Variants in COMMD6 observed in about 807,000 individuals in gnomAD.
COMMD6 encodes COMM domain containing 6, also known as COMM domain-containing protein 6.
A neutral mutation model predicts 13.4 loss-of-function variants in COMMD6; 11 were observed. That is an observed-to-expected ratio of 0.82 (90% CI 0.52 to 1.36). The LOEUF (loss-of-function observed/expected upper bound fraction) is 1.36, where lower values mean the gene tolerates loss of function less well. Ranked by LOEUF, COMMD6 falls within the 40% of genes most tolerant of loss-of-function variation. The pLI, the probability that COMMD6 is intolerant of heterozygous loss-of-function variation, is 0.00. For missense variants in COMMD6, 124 were observed against 102.4 expected (o/e 1.21, Z -0.91); for synonymous variants, 43 against 36.5 (o/e 1.18, Z -0.64).
chr13:75,540,100 A>G (rs2030800618), upstream of COMMD6, among the ~76,000 whole-genome samples: 1 of 151,448 alleles, frequency 6.6e-6, no homozygotes, highest in Non-Finnish European at 1.5e-5. Context: ...CCTCCCAAGT[A>G]GCTGGGATTA....
chr13:75,536,253 C>T (rs937447708), intron 2 of COMMD6, among the ~76,000 whole-genome samples: 1 of 152,214 alleles, frequency 6.6e-6, no homozygotes, highest in African/African-American at 2.4e-5. Flanking sequence ...GAACGTTCAA[C>T]AATGGAATCA....
intron 2 of COMMD6, among the ~76,000 whole-genome samples, chr13:75,536,347 T>C (rs2030662774): frequency 6.6e-6 from 1 of 152,250 alleles, no homozygotes; most frequent in Non-Finnish European, 1.5e-5. Flanking sequence ...AATCTGTGAA[T>C]GACTGCATAG....
chr13:75,538,887 G>C (rs2030771553), upstream of COMMD6: 1 of 152,240 alleles, frequency 6.6e-6, no homozygotes, highest in East Asian at 1.9e-4. Flanking sequence ...CCGGGGTGGT[G>C]GGGTTTGGGT....
chr13:75,529,954 A>C (rs2030410837), intron 3 of COMMD6, 160 bp downstream of exon 3: 1 of 565,118 alleles, frequency 1.8e-6, no homozygotes, highest in South Asian at 2.6e-5. Context: ...TTCCCAAAGA[A>C]GACAAATTAA....
At chr13:75,527,659 A>G (rs1401593426) in intron 3 of COMMD6, among the ~76,000 whole-genome samples, 4 of 152,200 alleles carry the variant, frequency 2.6e-5, no homozygotes, top group Non-Finnish European at 5.9e-5. Flanking sequence ...ACACAATGGA[A>G]TATCACACAG....
chr13:75,533,416 A>C (rs542900143), intron 2 of COMMD6, among the ~76,000 whole-genome samples: 1 of 152,130 alleles, frequency 6.6e-6, no homozygotes, highest in African/African-American at 2.4e-5. Context: ...AAAAGTACAA[A>C]AAGTAGCCAG....
chr13:75,532,327 AAG>A (rs1284249999), intron 2 of COMMD6, among the ~76,000 whole-genome samples: 6 of 152,240 alleles, frequency 3.9e-5, no homozygotes, highest in Non-Finnish European at 5.9e-5. Context: ...GGTTGAAAGG[AAG>A]AGTTTATTGT....
At chr13:75,546,250 G>T (rs1389342777) in intron 1 of COMMD6, among the ~76,000 whole-genome samples, 1 of 152,216 alleles carries the variant, frequency 6.6e-6, no homozygotes, top group East Asian at 1.9e-4. Flanking sequence ...CAGAACAACA[G>T]GTTGCAAACT....
At chr13:75,544,122 G>C (rs568533470) in intron 1 of COMMD6, among the ~76,000 whole-genome samples, 11 of 152,008 alleles carry the variant, frequency 7.2e-5, no homozygotes, top group African/African-American at 1.7e-4. Context: ...TGGTGGGTGG[G>C]GGGGAGGTGG....
chr13:75,532,537 A>G (rs2030515437), intron 2 of COMMD6, among the ~76,000 whole-genome samples: 1 of 152,182 alleles, frequency 6.6e-6, no homozygotes, highest in African/African-American at 2.4e-5. Context: ...GGGATAGAAC[A>G]TTTTATCTGT....
intron 1 of COMMD6, chr13:75,549,227 A>C (rs2030975928): frequency 6.5e-6 from 1 of 153,530 alleles, no homozygotes; most frequent in Non-Finnish European, 1.5e-5. Context: ...ATTTTTTGTC[A>C]AATGGAATCG....
intron 3 of COMMD6, chr13:75,527,768 T>C: frequency 3.6e-6 from 5 of 1,397,698 alleles, no homozygotes; most frequent in African/African-American, 1.5e-5. Context: ...AGGCTAATAC[T>C]GCGTGATCTC....
At chr13:75,543,646 A>G (rs2030859030), upstream of COMMD6, among the ~76,000 whole-genome samples, 1 of 152,210 alleles carries the variant, frequency 6.6e-6, no homozygotes, top group Non-Finnish European at 1.5e-5. Flanking sequence ...ATATCATTCA[A>G]GTTGGCTTTT....
chr13:75,530,094 G>A lies in COMMD6; in HGVS notation c.207+20C>T. On this transcript the variant is annotated intron_variant, in intron 3 of 3. Transcript: ENST00000682242. ...ATTACAGAAAAGCTGAGCTAAAACT[G>A]GATGAGTTAAATCACAAACCTGAAA... 6.3e-7 allele frequency: 1 copy of A among 1,592,586 alleles called. No homozygotes were observed. The highest frequency in any genetic ancestry group is 8.6e-7 in the Non-Finnish European group (1 of 1,165,524).
intron 2 of COMMD6, among the ~76,000 whole-genome samples, chr13:75,535,629 T>C (rs2030638595): frequency 6.6e-6 from 1 of 152,192 alleles, no homozygotes; most frequent in African/African-American, 2.4e-5. Context: ...GAGCTTCTGC[T>C]CTAAGCTGTG....
At chr13:75,539,205 G>C (rs2030779126), upstream of COMMD6, among the ~76,000 whole-genome samples, 1 of 141,450 alleles carries the variant, frequency 7.1e-6, no homozygotes, top group Non-Finnish European at 1.5e-5. Flanking sequence ...AAAATTATTA[G>C]ATCAAATATA....
chr13:75,546,160 T>C (rs1445869191), intron 1 of COMMD6, among the ~76,000 whole-genome samples: 1 of 152,298 alleles, frequency 6.6e-6, no homozygotes, highest in East Asian at 1.9e-4. Flanking sequence ...TTTAAAACAT[T>C]GACATTTAAA....
intron 2 of COMMD6, 53 bp downstream of exon 2, chr13:75,537,611 C>A: frequency 6.2e-7 from 1 of 1,612,910 alleles, no homozygotes; most frequent in Non-Finnish European, 8.5e-7. Flanking sequence ...CACGGCCTCG[C>A]GGCCGTGGGA....
chr13:75,526,724 A>G, intron 3 of COMMD6, 85 bp from the exon 4 acceptor site: 2 of 832,948 alleles, frequency 2.4e-6, no homozygotes, highest in Non-Finnish European at 1.9e-6. Context: ...ACTACCGGAG[A>G]CTATATAACA....
Sources: gnomAD v4.1 joint callset for allele counts (sites outside exome capture counted in the v4.1 genomes callset) on GRCh38, gnomAD v4.1.1 for gene constraint, MANE v1.5 for transcripts, NCBI Gene and HGNC (gene_info 2026-07-23, HGNC 2026-07-21) for gene names.